PACS1: variants seen among roughly 807,000 people sequenced by gnomAD.
PACS1 encodes PACS-1.
Under a neutral mutation model 115.0 loss-of-function variants are expected in PACS1, and 24 were observed. That is an observed-to-expected ratio of 0.21 (90% CI 0.15 to 0.29). PACS1 has a LOEUF of 0.29. Ranked by LOEUF, PACS1 falls within the 10% of genes least tolerant of loss-of-function variation. PACS1 has a pLI of 1.00. For missense variants in PACS1, 838 were observed against 1,251.2 expected (o/e 0.67, Z 4.98); for synonymous variants, 453 against 504.5 (o/e 0.90, Z 1.37).
intron 1 of PACS1, among the ~76,000 whole-genome samples, chr11:66,150,309 CAA>C (rs1484799775): frequency 3.9e-5 from 6 of 152,080 alleles, no homozygotes. Flanking sequence ...AAAACCGAAA[CAA>C]AGAGCTCTAG....
intron 1 of PACS1, among the ~76,000 whole-genome samples, chr11:66,088,082 GTCTC>G (rs1235453651): frequency 2.6e-5 from 4 of 151,802 alleles, no homozygotes; most frequent in African/African-American, 9.7e-5. Context: ...TATTTTGGTT[GTCTC>G]TCTGTTTCTT....
At chr11:66,151,951 G>A (rs1176901545) in intron 1 of PACS1, among the ~76,000 whole-genome samples, 3 of 152,220 alleles carry the variant, frequency 2.0e-5, no homozygotes, top group African/African-American at 7.2e-5. Flanking sequence ...ACTCACTGGA[G>A]GCCGGGTGCA....
chr11:66,082,929 A>G (rs944019233), intron 1 of PACS1, among the ~76,000 whole-genome samples: 11 of 152,202 alleles, frequency 7.2e-5, no homozygotes, highest in African/African-American at 2.2e-4. Context: ...GAGGAGTGTC[A>G]GTGAAACTAT....
intron 1 of PACS1, among the ~76,000 whole-genome samples, chr11:66,181,493 C>G (rs1249249846): frequency 6.6e-6 from 1 of 152,022 alleles, no homozygotes; most frequent in African/African-American, 2.4e-5. Flanking sequence ...GGGTTATAGA[C>G]GTAAGCCACC....
intron 1 of PACS1, among the ~76,000 whole-genome samples, chr11:66,137,540 A>G (rs966702717): frequency 4.6e-5 from 7 of 152,126 alleles, no homozygotes; most frequent in African/African-American, 1.7e-4. Flanking sequence ...TAAATGTAAA[A>G]CTTGTTATGT....
At chr11:66,081,571 A>G (rs1857480169) in intron 1 of PACS1, among the ~76,000 whole-genome samples, 1 of 152,188 alleles carries the variant, frequency 6.6e-6, no homozygotes, top group Non-Finnish European at 1.5e-5. Context: ...AGCTTATTAG[A>G]CTACAAAGTC....
chr11:66,185,019 G>A (rs1590804054), intron 1 of PACS1, among the ~76,000 whole-genome samples: 1 of 152,122 alleles, frequency 6.6e-6, no homozygotes, highest in African/African-American at 2.4e-5. Context: ...GGACAGGCCA[G>A]GAACTCTCGG....
intron 1 of PACS1, among the ~76,000 whole-genome samples, chr11:66,150,979 G>A (rs1859222192): frequency 6.6e-6 from 1 of 152,060 alleles, no homozygotes; most frequent in Non-Finnish European, 1.5e-5. Flanking sequence ...CAGATGAGAG[G>A]TGCCAAAGAA....
In PACS1 at chr11:66,070,905, C is replaced by T; in HGVS notation, c.356+63C>T. 1 of 1,360,912 alleles carries T rather than the reference C, an allele frequency of 7.3e-7. No individual in the cohort carries two copies. The highest frequency in any genetic ancestry group is 9.4e-7 in the Non-Finnish European group (1 of 1,062,282). The allele number at this position is 1,360,912 out of a possible 1,614,324, so 84.3% of individuals were successfully genotyped here. A position where few individuals can be genotyped will look rare whatever the true frequency, so the allele number is the denominator to read the frequency against. On this transcript the variant is annotated intron_variant, in intron 1 of 23. Transcript: ENST00000320580. The surrounding 1 kb of genome is among the most constrained non-coding windows in gnomAD (Gnocchi z 5.9). ...GGGGTGGCCGCCGGGGCCCAGCCCT[C>T]CCCGCCCCAGCGCCCATGGGGTCCC...
intron 1 of PACS1, among the ~76,000 whole-genome samples, chr11:66,156,525 G>A (rs916210820): frequency 6.6e-6 from 1 of 151,930 alleles, no homozygotes; most frequent in Non-Finnish European, 1.5e-5. Flanking sequence ...GATTGCAGGC[G>A]TGAGCCACTG....
chr11:66,081,507 G>C (rs2134500885), intron 1 of PACS1, among the ~76,000 whole-genome samples: 1 of 152,236 alleles, frequency 6.6e-6, no homozygotes, highest in South Asian at 2.1e-4. Flanking sequence ...TTTCCTCGGT[G>C]GGACCATCAC....
chr11:66,227,871 A>C (rs1855498449), intron 11 of PACS1, among the ~76,000 whole-genome samples: 1 of 152,266 alleles, frequency 6.6e-6, no homozygotes, highest in Admixed American at 6.5e-5. Context: ...ACCATCTGTC[A>C]CCAGCGTTCT....
intron 1 of PACS1, among the ~76,000 whole-genome samples, chr11:66,172,456 T>C (rs1444781025): frequency 6.6e-6 from 1 of 152,200 alleles, no homozygotes; most frequent in Non-Finnish European, 1.5e-5. Flanking sequence ...GTCATGAGGT[T>C]ATCAAGCAGT....
At position 66,193,654 on chromosome 11, in the gene PACS1, A is replaced by C. The variant is rs1461172732; in HGVS notation, c.444+81A>C. ...CCACTGCTGCGGCTTCAGAAACACT[A>C]CTGGGACCACCTCTGTCTTCCTCCT... is the stretch of plus-strand genomic sequence containing the variant. On this transcript the variant is annotated intron_variant, in intron 2 of 23. Coordinates refer to ENST00000320580, the MANE Select transcript of PACS1 (RefSeq NM_018026.4). 7 of 906,626 alleles carry C rather than the reference A, an allele frequency of 7.7e-6. No individual in the cohort carries two copies. The African/African-American group carries it at 9.7e-5, about 13-fold the overall frequency. The allele number at this position is 906,626 out of a possible 1,614,324, so 56.2% of individuals were successfully genotyped here.
At chr11:66,175,338 T>C (rs1859831614) in intron 1 of PACS1, among the ~76,000 whole-genome samples, 1 of 152,290 alleles carries the variant, frequency 6.6e-6, no homozygotes, top group South Asian at 2.1e-4. Context: ...AGTAATATGT[T>C]TGATTGTGGA....
intron 1 of PACS1, among the ~76,000 whole-genome samples, chr11:66,141,428 C>T (rs774207634): frequency 6.6e-6 from 1 of 151,990 alleles, no homozygotes; most frequent in East Asian, 1.9e-4. Context: ...CCAAGGCGGG[C>T]GGATCACCTG....
chr11:66,230,691 G>T (rs201081126), intron 12 of PACS1, 28 bp downstream of exon 12: 1 of 1,610,330 alleles, frequency 6.2e-7, no homozygotes, highest in African/African-American at 1.3e-5. Flanking sequence ...GAAGCAGGGG[G>T]TACAGCCTGC....
At chr11:66,232,463 G>C (rs1385609030) in intron 14 of PACS1, among the ~76,000 whole-genome samples, 187 bp downstream of exon 14, 1 of 152,202 alleles carries the variant, frequency 6.6e-6, no homozygotes, top group African/African-American at 2.4e-5. Flanking sequence ...TATCCAACTT[G>C]TGGGATCTTA....
chr11:66,156,275 G>T (rs1228454898), intron 1 of PACS1, among the ~76,000 whole-genome samples: 1 of 128,920 alleles, frequency 7.8e-6, no homozygotes, highest in African/African-American at 2.9e-5. Context: ...TTTTAAGACA[G>T]AGTCTTGCTC....
Sources: allele counts gnomAD v4.1 joint callset (sites outside exome capture counted in the v4.1 genomes callset), GRCh38; gene constraint gnomAD v4.1.1; non-coding constraint Gnocchi (gnomAD v3.1); transcripts MANE v1.5; gene names NCBI Gene and HGNC (gene_info 2026-07-23, HGNC 2026-07-21).